Variants in FAM90A20 observed in about 807,000 individuals in gnomAD.
The protein encoded by FAM90A20 is protein FAM90A20.
the FAM90A20 span, chr8:7,297,316 A>G: frequency 1.5e-6 from 2 of 1,358,290 alleles, no homozygotes; most frequent in Non-Finnish European, 2.1e-6. Context: ...TGGAGCCGAC[A>G]CACAGCAGCC....
chr8:7,296,197 A>G, the FAM90A20 span: 5 of 653,972 alleles, frequency 7.6e-6, no homozygotes, highest in Non-Finnish European at 2.8e-6. Context: ...TCTGTATCAC[A>G]AGACACGGAA....
the FAM90A20 span, chr8:7,296,372 C>G: frequency 1.3e-6 from 1 of 744,874 alleles, no homozygotes; most frequent in East Asian, 2.5e-5. Flanking sequence ...GGAAAAGGAT[C>G]CACGGAATCT....
At chr8:7,297,137 G>C in the FAM90A20 span, 2 of 1,525,054 alleles carry the variant, frequency 1.3e-6, no homozygotes, top group East Asian at 2.2e-5. Context: ...TGGTCGCTCA[G>C]CTACCGAAAT....
the FAM90A20 span, chr8:7,295,557 A>T: frequency 1.7e-5 from 11 of 659,540 alleles, 1 homozygote; most frequent in Admixed American, 8.3e-5. Context: ...TTCACAATCC[A>T]TCCCAATGTT....
the FAM90A20 span, chr8:7,296,176 A>G: frequency 3.1e-6 from 2 of 646,424 alleles, 1 homozygote; most frequent in Non-Finnish European, 5.6e-6. Flanking sequence ...AAAGGGCACC[A>G]GATTTCCATT....
the FAM90A20 span, chr8:7,296,144 G>A: frequency 3.2e-5 from 19 of 587,558 alleles, 1 homozygote; most frequent in East Asian, 2.4e-4. Flanking sequence ...AGGTTGGCAC[G>A]TGAGGGAAGG....
chr8:7,295,921 C>T, the FAM90A20 span: 3 of 579,796 alleles, frequency 5.2e-6, no homozygotes, highest in Admixed American at 2.6e-5. Context: ...GCCTTTCCGT[C>T]TCCGGGCCAG....
the FAM90A20 span, chr8:7,297,833 G>C: frequency 5.9e-6 from 6 of 1,010,746 alleles, 1 homozygote; most frequent in Non-Finnish European, 8.9e-6. Flanking sequence ...ACTGGAAAAC[G>C]GACGCTGGAG....
chr8:7,296,510 T>C, the FAM90A20 span: 16 of 643,316 alleles, frequency 2.5e-5, 1 homozygote, highest in Non-Finnish European at 4.3e-5. Context: ...TCTTGTCTTC[T>C]TGGGGTCAGG....
the FAM90A20 span, chr8:7,296,513 G>T: frequency 2.8e-5 from 18 of 641,654 alleles, 2 homozygotes; most frequent in South Asian, 1.4e-4. Context: ...TGTCTTCTTG[G>T]GGTCAGGGCC....
the FAM90A20 span, chr8:7,297,110 A>G: frequency 9.4e-5 from 141 of 1,506,034 alleles, 16 homozygotes; most frequent in Middle Eastern, 2.3e-4. Context: ...GAGGCCGCGC[A>G]TGGACCCTGT....
At chr8:7,296,528 C>T in the FAM90A20 span, 16 of 628,066 alleles carry the variant, frequency 2.5e-5, 1 homozygote, top group Non-Finnish European at 3.8e-5. Context: ...AGGGCCTCCA[C>T]GATCCTTGCA....
chr8:7,297,912 C>G, the FAM90A20 span: 4 of 728,606 alleles, frequency 5.5e-6, no homozygotes, highest in Middle Eastern at 3.6e-4. Flanking sequence ...GCTCAGAGCC[C>G]TCATGTGTCA....
the FAM90A20 span, chr8:7,296,440 A>C: frequency 1.0e-2 from 7,091 of 712,536 alleles, 834 homozygotes; most frequent in Non-Finnish European, 0.014. Flanking sequence ...TCCTCTAGGT[A>C]ACCCTGGTTG....
At chr8:7,297,487 T>G in the FAM90A20 span, 14 of 1,535,738 alleles carry the variant, frequency 9.1e-6, 2 homozygotes, top group Middle Eastern at 2.3e-4. Flanking sequence ...ATCTCAGCTT[T>G]GGGTCAGGAG....
chr8:7,297,485 T>C, the FAM90A20 span: 2 of 1,537,672 alleles, frequency 1.3e-6, no homozygotes, highest in Non-Finnish European at 8.8e-7. Context: ...CAATCTCAGC[T>C]TTGGGTCAGG....
At chr8:7,297,779 G>T in the FAM90A20 span, 5 of 1,427,154 alleles carry the variant, frequency 3.5e-6, no homozygotes, top group East Asian at 6.8e-5. Flanking sequence ...TCACCCAGCG[G>T]CCAGCCATGA....
the FAM90A20 span, chr8:7,296,318 T>A: frequency 4.1e-6 from 3 of 739,754 alleles, no homozygotes; most frequent in South Asian, 1.4e-5. Flanking sequence ...AAGGCTCTCC[T>A]CCACATGTTT....
At chr8:7,297,527 G>T in the FAM90A20 span, 614 of 1,520,948 alleles carry the variant, frequency 4.0e-4, 137 homozygotes, top group African/African-American at 7.3e-3. Flanking sequence ...TCCGATTCAG[G>T]CTTGCCTGAA....
Sources: allele counts gnomAD v4.1 joint callset, GRCh38; gene constraint gnomAD v4.1.1; transcripts MANE v1.5; gene names NCBI Gene and HGNC (gene_info 2026-07-23, HGNC 2026-07-21).